ADGRL3: variants seen among roughly 807,000 people sequenced by gnomAD.
The protein encoded by ADGRL3 is calcium-independent alpha-latrotoxin receptor 3.
In ADGRL3, 62 loss-of-function variants were observed where a neutral mutation model predicts 153.5. The observed-to-expected ratio is 0.40, with a 90% confidence interval of 0.33 to 0.50. The LOEUF (loss-of-function observed/expected upper bound fraction) is 0.50, where lower values mean the gene tolerates loss of function less well. Among genes scored for constraint, ADGRL3 ranks in the 20% least tolerant of loss-of-function variants. The probability of loss-of-function intolerance (pLI) is 0.47; values close to 1 mark genes in which losing one functional copy is unlikely to be tolerated. For missense variants in ADGRL3, 1,641 were observed against 1,859.4 expected, an observed-to-expected ratio of 0.88 and a Z score of 2.16; for synonymous variants, 710 against 672.5, an observed-to-expected ratio of 1.06 and a Z score of -0.86.
At chr4:61,818,658 A>G (rs2097715471) in intron 9 of ADGRL3, among the ~76,000 whole-genome samples, 1 of 152,214 alleles carries the variant, frequency 6.6e-6, no homozygotes, top group Admixed American at 6.5e-5. Flanking sequence ...CATATCAACC[A>G]AAGTCCAACA....
At chr4:61,828,874 A>G (rs1046971721) in intron 9 of ADGRL3, among the ~76,000 whole-genome samples, 2 of 152,150 alleles carry the variant, frequency 1.3e-5, no homozygotes, top group Non-Finnish European at 2.9e-5. Context: ...TCTAAGACAA[A>G]AGTAAGAGCA....
chr4:61,996,184 C>T, intron 19 of ADGRL3, 107 bp from the exon 20 acceptor site: 1 of 692,426 alleles, frequency 1.4e-6, no homozygotes, highest in Non-Finnish European at 2.6e-6. Context: ...TCCTGTCTCC[C>T]AGTGGAATGC....
intron 1 of ADGRL3, among the ~76,000 whole-genome samples, chr4:61,234,606 G>T (rs1752109021): frequency 6.6e-6 from 1 of 152,152 alleles, no homozygotes; most frequent in African/African-American, 2.4e-5. Context: ...GAAATCAGAA[G>T]ACGGAAATCA....
intron 8 of ADGRL3, among the ~76,000 whole-genome samples, chr4:61,770,649 A>G (rs564080081): frequency 6.6e-6 from 1 of 152,274 alleles, no homozygotes; most frequent in East Asian, 1.9e-4. Context: ...CTAGTGCTGC[A>G]TTTCTGTTTG....
chr4:61,738,017 G>A lies in ADGRL3; in HGVS notation c.1399+4463G>A, dbSNP rs939485578. On this transcript the variant is annotated intron_variant, in intron 8 of 26. Coordinates refer to ENST00000683033, the MANE Select transcript of ADGRL3 (RefSeq NM_001387552.1). ...TTTAGTGGTGATTTGTGAGATTTTG[G>A]TGCACCCATCACTCGAGCATTATAC... Among the ~76,000 whole-genome samples, 18 of 151,322 alleles carry A rather than the reference G, an allele frequency of 1.2e-4. 1 individual carries two copies. The highest frequency in any genetic ancestry group is 4.4e-4 in the African/African-American group (18 of 41,144).
chr4:61,669,182 G>T (rs1391683343), intron 5 of ADGRL3, among the ~76,000 whole-genome samples: 1 of 152,066 alleles, frequency 6.6e-6, no homozygotes, highest in Non-Finnish European at 1.5e-5. Flanking sequence ...TTTTAATCAT[G>T]ATTAATGTTT....
intron 6 of ADGRL3, among the ~76,000 whole-genome samples, chr4:61,690,574 A>G (rs747604654): frequency 2.6e-5 from 4 of 152,158 alleles, no homozygotes; most frequent in Non-Finnish European, 5.9e-5. Context: ...GCTGTCTCCC[A>G]TATTCACCTT....
chr4:61,277,087 A>G (rs1188003720), intron 1 of ADGRL3, among the ~76,000 whole-genome samples: 2 of 152,140 alleles, frequency 1.3e-5, no homozygotes, highest in Admixed American at 1.3e-4. Flanking sequence ...GTTTCTGACT[A>G]CCTATGGATG....
At chr4:61,727,475 A>G (rs1020211204) in intron 6 of ADGRL3, among the ~76,000 whole-genome samples, 2 of 152,164 alleles carry the variant, frequency 1.3e-5, no homozygotes, top group African/African-American at 4.8e-5. Context: ...AGAATTCAGG[A>G]TATTGGACTA....
At chr4:61,730,825 G>T (rs2096428504) in intron 7 of ADGRL3, among the ~76,000 whole-genome samples, 189 bp downstream of exon 7, 1 of 151,814 alleles carries the variant, frequency 6.6e-6, no homozygotes. Flanking sequence ...TCTAAGAAGA[G>T]TTTAGTAGTA....
intron 13 of ADGRL3, among the ~76,000 whole-genome samples, chr4:61,924,037 A>G (rs1235556446): frequency 6.6e-6 from 1 of 151,762 alleles, no homozygotes; most frequent in Admixed American, 6.6e-5. Context: ...CTCTCCTCTC[A>G]TTCTCCCTTA....
At chr4:61,342,853 A>G (rs906336611) in intron 1 of ADGRL3, among the ~76,000 whole-genome samples, 1 of 152,136 alleles carries the variant, frequency 6.6e-6, no homozygotes, top group Non-Finnish European at 1.5e-5. Context: ...GTCTGTTCTC[A>G]TGCTGCTAAT....
intron 1 of ADGRL3, among the ~76,000 whole-genome samples, chr4:61,230,230 A>T (rs904393039): frequency 1.3e-5 from 2 of 152,178 alleles, no homozygotes; most frequent in African/African-American, 4.8e-5. Flanking sequence ...ATTGGCACAT[A>T]GGGAGTGCTC....
intron 2 of ADGRL3, among the ~76,000 whole-genome samples, chr4:61,465,779 CTT>C (rs1008857764): frequency 1.2e-3 from 44 of 35,598 alleles, no homozygotes; most frequent in African/African-American, 2.4e-3. Context: ...ATATATATAT[CTT>C]ATATGGAATA....
chr4:61,938,044 A>T (rs1262198113), intron 15 of ADGRL3, among the ~76,000 whole-genome samples: 1 of 152,108 alleles, frequency 6.6e-6, no homozygotes, highest in Non-Finnish European at 1.5e-5. Context: ...GGCATAAGTC[A>T]TCACACCCAG....
At chr4:61,806,858 G>C (rs958193585) in intron 8 of ADGRL3, among the ~76,000 whole-genome samples, 2 of 151,892 alleles carry the variant, frequency 1.3e-5, no homozygotes, top group Non-Finnish European at 2.9e-5. Flanking sequence ...CAAGAGAATT[G>C]GGAGTATAAA....
At position 62,019,985 on chromosome 4, in the gene ADGRL3, C is replaced by T. The variant is rs547144849; in HGVS notation, c.3396-8870C>T. 1.8e-4 allele frequency among the ~76,000 whole-genome samples: 28 copies of T among 152,198 alleles called. No individual in the cohort carries two copies. In the Middle Eastern group the frequency reaches 0.01, roughly 55 times the overall value. On this transcript the variant is annotated intron_variant, in intron 21 of 26. Transcript: ENST00000683033. ...TACTTCCAAAATTAAATAAACCTTG[C>T]CTGCTTCCAACTGTGCTGCAGTGCC...
intron 2 of ADGRL3, among the ~76,000 whole-genome samples, chr4:61,402,003 G>A (rs1382653616): frequency 6.6e-6 from 1 of 152,038 alleles, no homozygotes; most frequent in Non-Finnish European, 1.5e-5. Flanking sequence ...TGCAAAGGCA[G>A]CTTTAGTCAA....
At chr4:61,400,884 G>A (rs2096922381) in intron 2 of ADGRL3, among the ~76,000 whole-genome samples, 1 of 150,578 alleles carries the variant, frequency 6.6e-6, no homozygotes, top group Non-Finnish European at 1.5e-5. Flanking sequence ...TATGTCACGT[G>A]CTTGTGCAGT....
Sources: allele counts gnomAD v4.1 joint callset (sites outside exome capture counted in the v4.1 genomes callset), GRCh38; gene constraint gnomAD v4.1.1; transcripts MANE v1.5; gene names NCBI Gene and HGNC (gene_info 2026-07-23, HGNC 2026-07-21).